The following SPEN variants were observed in gnomAD, a reference collection of about 807,000 sequenced individuals.
The protein encoded by SPEN is msx2-interacting protein.
SPEN carries 18 observed loss-of-function variants against 269.9 expected under a neutral mutation model. The ratio of observed to expected loss-of-function variants is 0.07; its 90% CI spans 0.05 to 0.10. The LOEUF (loss-of-function observed/expected upper bound fraction) is 0.10, where lower values mean the gene tolerates loss of function less well. Ranked by LOEUF, SPEN falls within the 10% of genes least tolerant of loss-of-function variation. SPEN has a pLI of 1.00. For synonymous variants in SPEN, 1,726 were observed against 1,765.7 expected (o/e 0.98, Z 0.56); for missense variants, 3,822 against 4,631.2 (o/e 0.83, Z 5.07).
intron 2 of SPEN, chr1:15,873,999 A>G (rs1179931431): frequency 8.3e-7 from 1 of 1,206,330 alleles, no homozygotes; most frequent in Admixed American, 3.5e-5. Context: ...ACTGGGCTGG[A>G]TGGCTACAAA....
rs917737233 is a variant in SPEN at position 15,933,863 on chromosome 1, C to G, written c.7623C>G (p.Pro2541=). 13 of 1,613,600 alleles carry G rather than the reference C, an allele frequency of 8.1e-6. No individual in the cohort carries two copies. Among genetic ancestry groups the G allele is most frequent in the Non-Finnish European group, 1.0e-5 (12 of 1,180,040 alleles). Residue 2541 remains proline, a synonymous_variant, in exon 11 of 15, where the codon CCC becomes CCG. Coordinates refer to ENST00000375759, the MANE Select transcript of SPEN (RefSeq NM_015001.3). This position sits in a 1 kb window ranked among gnomAD's most constrained non-coding sequence, Gnocchi z 5.7. The part of the protein sequence containing the change: ...SSTLRKILMD[P]KYVSATSVTS... ...CCCTGAGGAAGATTCTCATGGACCC[C>G]AAGTATGTGTCTGCCACAAGTGTCA...
intron 3 of SPEN, among the ~76,000 whole-genome samples, chr1:15,888,365 C>T (rs533217620): frequency 1.6e-4 from 25 of 151,792 alleles, no homozygotes; most frequent in African/African-American, 5.6e-4. Context: ...GCTCTGTTGC[C>T]CAGGCGGAAG....
rs113558903 is a variant in SPEN, at chr1:15,872,145, C to T, written c.84-671C>T. 7.6e-3 allele frequency among the ~76,000 whole-genome samples: 1,087 copies of T among 143,220 alleles called. 24 individuals carry two copies. Among genetic ancestry groups the T allele is most frequent in the African/African-American group, 0.027 (1,029 of 38,192 alleles). 94.0% of individuals were successfully genotyped at this position (143,220 alleles called of 152,430 possible). ...CCCGGCTTCTTGGGAGGCTGAGACA[C>T]GAGAATCACTTGAACCTGGGAGTTG... On this transcript the variant is annotated intron_variant, in intron 1 of 14. Transcript: ENST00000375759.
intron 1 of SPEN, among the ~76,000 whole-genome samples, chr1:15,867,856 C>T (rs1317452817): frequency 1.3e-5 from 2 of 152,000 alleles, no homozygotes; most frequent in African/African-American, 4.8e-5. Flanking sequence ...TCTCTGTATC[C>T]GTATATGTGC....
At position 15,931,058 on chromosome 1, in the gene SPEN, G is replaced by T. The variant is rs2071215235; in HGVS notation, c.4818G>T (p.Glu1606Asp). 1 of 1,613,584 alleles carries T rather than the reference G, an allele frequency of 6.2e-7. No individual in the cohort carries two copies. The highest frequency in any genetic ancestry group is 1.1e-5 in the South Asian group (1 of 90,992). Residue 1606 changes from glutamate to aspartate, a missense_variant, in exon 11 of 15, where the codon GAG becomes GAT. Glu to Asp is a conservative substitution (Grantham distance 45). Around this residue, in one of 16 missense-constraint regions of SPEN, gnomAD observed 533 missense variants for 618.8 expected, o/e 0.86. Coordinates refer to ENST00000375759, the MANE Select transcript of SPEN (RefSeq NM_015001.3). The surrounding 1 kb of genome is among the most constrained non-coding windows in gnomAD (Gnocchi z 4.8). Reference sequence around the variant, plus strand: ...AAGAAAAAGACCAGAAACCCAAAGAGGTTGAGAAACAGGAAGATACAGAGA... The same window carrying T: ...AAGAAAAAGACCAGAAACCCAAAGATGTTGAGAAACAGGAAGATACAGAGA... ...KEKEKDQKPK[E>D]VEKQEDTENH... is the part of the protein sequence containing the mutation.
intron 1 of SPEN, among the ~76,000 whole-genome samples, chr1:15,858,804 C>T (rs1217574299): frequency 2.6e-5 from 4 of 151,982 alleles, no homozygotes; most frequent in Admixed American, 1.3e-4. Context: ...AAAACCCGGG[C>T]ACGATGGCGC....
chr1:15,849,680 G>C (rs1472163659), intron 1 of SPEN, among the ~76,000 whole-genome samples: 1 of 152,118 alleles, frequency 6.6e-6, no homozygotes, highest in Non-Finnish European at 1.5e-5. Flanking sequence ...GGAGACCACG[G>C]GCTGGATTGG....
chr1:15,932,820 GC>G lies in SPEN; in HGVS notation c.6581del (p.Ala2194AspfsTer159), dbSNP rs1557760864. On this transcript the variant is annotated frameshift_variant, in exon 11 of 15. Coordinates refer to ENST00000375759, the MANE Select transcript of SPEN (RefSeq NM_015001.3). LOFTEE classifies it high-confidence loss of function. This position sits in a 1 kb window ranked among gnomAD's most constrained non-coding sequence, Gnocchi z 4.2. ...ASASAAYKAD[A>X]PEGLAPEDRD... is the part of the protein sequence containing the mutation. ...TGCCTCTGCTGCCTATAAGGCAGAT[GC>G]ACCAGAGGGCCTTGCCCCAGAGGAC... The G allele has an allele frequency of 6.2e-7, 1 of 1,614,234 alleles. No homozygotes were observed. The highest frequency in any genetic ancestry group is 2.2e-5 in the East Asian group (1 of 44,882).
chr1:15,864,139 A>G (rs2070474302), intron 1 of SPEN, among the ~76,000 whole-genome samples: 1 of 147,808 alleles, frequency 6.8e-6, no homozygotes, highest in Non-Finnish European at 1.5e-5. Flanking sequence ...AGTCAACTCC[A>G]TAAAGACAGC....
At chr1:15,900,308 CTAGG>C (rs1257706517) in intron 3 of SPEN, among the ~76,000 whole-genome samples, 1 of 152,130 alleles carries the variant, frequency 6.6e-6, no homozygotes, top group African/African-American at 2.4e-5. Context: ...CCTTCAGGCC[CTAGG>C]TTGACGGTAA....
chr1:15,910,010 G>A (rs1250288864), intron 4 of SPEN, among the ~76,000 whole-genome samples: 2 of 151,066 alleles, frequency 1.3e-5, no homozygotes, highest in African/African-American at 4.9e-5. Context: ...TGTAGTCCCA[G>A]CTACTCGGGA....
intron 1 of SPEN, among the ~76,000 whole-genome samples, chr1:15,857,620 G>A (rs1396874712): frequency 5.9e-5 from 9 of 152,052 alleles, no homozygotes; most frequent in Non-Finnish European, 1.0e-4. Context: ...GCCTCCCAAA[G>A]TGCTGGTATT....
intron 10 of SPEN, among the ~76,000 whole-genome samples, chr1:15,926,770 G>A (rs1387843976): frequency 6.6e-6 from 1 of 150,486 alleles, no homozygotes; most frequent in Admixed American, 6.7e-5. Flanking sequence ...TTGACTCACT[G>A]CAAGCTCCGC....
intron 2 of SPEN, 89 bp downstream of exon 2, chr1:15,873,225 A>G: frequency 6.9e-7 from 1 of 1,454,752 alleles, no homozygotes; most frequent in Non-Finnish European, 9.1e-7. Flanking sequence ...GATGGATTTA[A>G]AGTTTTGGGC....
In SPEN at chr1:15,890,999, G is replaced by A. The variant is rs112577915; in HGVS notation, c.881+14321G>A. On this transcript the variant is annotated intron_variant, in intron 3 of 14. Coordinates refer to ENST00000375759, the MANE Select transcript of SPEN (RefSeq NM_015001.3). ...CAATAGCCACATGTGACTAGTGGCT[G>A]CAGTACTGGATATCCTAGCTAGAAA... 2.7e-3 allele frequency among the ~76,000 whole-genome samples: 409 copies of A among 152,276 alleles called. 4 individuals carry two copies. The highest frequency in any genetic ancestry group is 0.022 in the South Asian group (104 of 4,830).
At chr1:15,869,553 C>A (rs1191114454) in intron 1 of SPEN, among the ~76,000 whole-genome samples, 1 of 151,570 alleles carries the variant, frequency 6.6e-6, no homozygotes, top group African/African-American at 2.4e-5. Context: ...ATGTAAAAAA[C>A]CAGCACAAAC....
At position 15,918,907 on chromosome 1, in the gene SPEN, T is replaced by G. The variant is rs1017332168; in HGVS notation, c.1396-19T>G. The G allele has an allele frequency of 7.5e-6, 12 of 1,597,716 alleles. No individual in the cohort carries two copies. Among genetic ancestry groups the G allele is most frequent in the Non-Finnish European group, 1.0e-5 (12 of 1,173,104 alleles). On this transcript the variant is annotated intron_variant, in intron 6 of 14. Transcript: ENST00000375759. ...TTTTCTTGGGCATATTGCTAAGTTG[T>G]ATTCATTGGTTTTTTCAGGATATTG...
At position 15,933,889 on chromosome 1, in the gene SPEN, C is replaced by T. The variant is rs918056490; in HGVS notation, c.7649C>T (p.Thr2550Ile). 13 of 1,613,894 alleles carry T rather than the reference C, an allele frequency of 8.1e-6. No individual in the cohort carries two copies. The highest frequency in any genetic ancestry group is 2.2e-5 in the East Asian group (1 of 44,888). The part of the protein sequence containing the change: ...DPKYVSATSV[T>I]STSVTTAIAE... ...AAGTATGTGTCTGCCACAAGTGTCA[C>T]TTCCACAAGTGTCACCACAGCCATT... is the stretch of plus-strand genomic sequence containing the variant. Residue 2550 changes from threonine (T) to isoleucine (I), a missense_variant, in exon 11 of 15, where the codon ACT (threonine) becomes ATT (isoleucine). Thr to Ile is a moderately conservative substitution (Grantham distance 89). Transcript: ENST00000375759. This position sits in a 1 kb window ranked among gnomAD's most constrained non-coding sequence, Gnocchi z 5.7.
chr1:15,916,100 T>G, intron 5 of SPEN, 28 bp from the exon 6 acceptor site: 3 of 1,589,276 alleles, frequency 1.9e-6, no homozygotes, highest in Non-Finnish European at 2.6e-6. Flanking sequence ...TGTCTTCTCT[T>G]TTTACTCGGC....
Sources: allele counts gnomAD v4.1 joint callset (sites outside exome capture counted in the v4.1 genomes callset), GRCh38; gene constraint gnomAD v4.1.1; regional missense constraint gnomAD v4.1.1; non-coding constraint Gnocchi (gnomAD v3.1); transcripts MANE v1.5; gene names NCBI Gene and HGNC (gene_info 2026-07-23, HGNC 2026-07-21).